The following NRIP1 variants were observed in gnomAD, a reference collection of about 807,000 sequenced individuals.
NRIP1 encodes nuclear receptor-interacting protein 1.
In NRIP1, 28 loss-of-function variants were observed where a neutral mutation model predicts 75.0. The ratio of observed to expected loss-of-function variants is 0.37; its 90% confidence interval spans 0.28 to 0.51. The LOEUF is 0.51. Ranked by LOEUF, NRIP1 falls within the 20% of genes least tolerant of loss-of-function variation. NRIP1 has a pLI of 0.92. For synonymous variants in NRIP1, 526 were observed against 487.6 expected, an observed-to-expected ratio of 1.08 and a Z score of -1.04; for missense variants, 1,435 against 1,343.7, an observed-to-expected ratio of 1.07 and a Z score of -1.06.
At position 14,967,343 on chromosome 21, in the gene NRIP1, C is replaced by G; in HGVS notation, c.850G>C (p.Ala284Pro). The G allele has an allele frequency of 6.2e-7, 1 of 1,614,078 alleles. No individual in the cohort carries two copies. The highest frequency in any genetic ancestry group is 8.5e-7 in the Non-Finnish European group (1 of 1,179,996). ...AHLQQYSREH[A>P]LKTQNANQAA... The stretch of plus-strand genomic sequence containing the variant: ...TGATTTGCATTTTGCGTTTTTAAAG[C>G]GTGTTCTCGAGAATACTGCTGCAAA... Residue 284 changes from alanine to proline, a missense_variant, in exon 4 of 4, where the codon GCT becomes CCT. Transcript: ENST00000318948.
intron 2 of NRIP1, among the ~76,000 whole-genome samples, chr21:15,035,259 TGAAGA>T (rs927428493): frequency 5.3e-5 from 8 of 152,316 alleles, no homozygotes; most frequent in Admixed American, 1.3e-4. Context: ...CTGCTTTTTC[TGAAGA>T]GAAAACAGGA....
chr21:14,979,089 C>A (rs2087159640), intron 3 of NRIP1, among the ~76,000 whole-genome samples: 1 of 152,104 alleles, frequency 6.6e-6, no homozygotes, highest in African/African-American at 2.4e-5. Context: ...ATCAAAGAAA[C>A]AATAGTTTTT....
At chr21:15,010,965 T>G (rs1237510100) in intron 3 of NRIP1, among the ~76,000 whole-genome samples, 2 of 152,234 alleles carry the variant, frequency 1.3e-5, no homozygotes, top group Non-Finnish European at 2.9e-5. Context: ...TTACGGCAAT[T>G]AATTCCAACT....
intron 3 of NRIP1, among the ~76,000 whole-genome samples, chr21:15,009,446 AG>A (rs1372192431): frequency 6.6e-6 from 1 of 152,218 alleles, no homozygotes; most frequent in African/African-American, 2.4e-5. Context: ...GCTACTAAAA[AG>A]ATGGCATGGA....
At chr21:14,978,723 G>T (rs977293938) in intron 3 of NRIP1, among the ~76,000 whole-genome samples, 1 of 152,134 alleles carries the variant, frequency 6.6e-6, no homozygotes, top group Non-Finnish European at 1.5e-5. Context: ...CTAGGTATAT[G>T]AATCGGATTC....
intron 1 of NRIP1, among the ~76,000 whole-genome samples, chr21:15,057,665 C>T (rs2089336196): frequency 6.6e-6 from 1 of 152,168 alleles, no homozygotes; most frequent in African/African-American, 2.4e-5. Context: ...CAGATGGCAA[C>T]TGGTTTTTTC....
chr21:14,978,245 G>A (rs1375042697), intron 3 of NRIP1, among the ~76,000 whole-genome samples: 2 of 152,170 alleles, frequency 1.3e-5, no homozygotes, highest in Admixed American at 6.5e-5. Flanking sequence ...TTATTCCTAT[G>A]ATTCCAAGTA....
rs539278321 is a variant in NRIP1 at position 15,019,470 on chromosome 21, CTTTTTTTTTTTTT to C, written c.-457-5017_-457-5005del. Reference sequence around the variant, plus strand: ...ACAAGATCCACAAACAACTGCATTTCTTTTTTTTTTTTTTTTTTTTTTTTTTTTTTTTTTTTGA... The same window carrying C: ...ACAAGATCCACAAACAACTGCATTTCTTTTTTTTTTTTTTTTTTTTTTTGA... On this transcript the variant is annotated intron_variant, in intron 2 of 3. Coordinates refer to ENST00000318948, the MANE Select transcript of NRIP1 (RefSeq NM_003489.4). Among the ~76,000 whole-genome samples the C allele has an allele frequency of 1.1e-3, 42 of 38,686 alleles. No homozygotes were observed. In the East Asian group the frequency reaches 0.013, roughly 12 times the overall value. The allele number at this position is 38,686 out of a possible 152,430, so 25.4% of individuals were successfully genotyped here. A position where few individuals can be genotyped will look rare whatever the true frequency, so the allele number is the denominator to read the frequency against.
At chr21:15,000,640 CTG>C (rs1191372798) in intron 3 of NRIP1, among the ~76,000 whole-genome samples, 1 of 152,030 alleles carries the variant, frequency 6.6e-6, no homozygotes, top group East Asian at 1.9e-4. Flanking sequence ...AAATCAAAAA[CTG>C]TAAGTAAAAA....
In NRIP1 at chr21:14,964,777, G is replaced by A. The variant is rs199513515; in HGVS notation, c.3416C>T (p.Ala1139Val). 54 of 1,597,040 alleles carry A rather than the reference G, an allele frequency of 3.4e-5. No individual in the cohort carries two copies. Among genetic ancestry groups the A allele is most frequent in the Non-Finnish European group, 4.4e-5 (52 of 1,175,098 alleles). Residue 1139 changes from alanine to valine, a missense_variant, in exon 4 of 4, where the codon GCA becomes GTA. Physicochemically the swap from Ala to Val is moderately conservative, Grantham distance 64 (BLOSUM62 0). Transcript: ENST00000318948. ...MGNNASRPHS[A>V]NGEVYGLLGS... The stretch of plus-strand genomic sequence containing the variant: ...CAGAAGTCCATAAACTTCTCCATTT[G>A]CGCTGTGTGGGCGAGAAGCATTATT...
intron 2 of NRIP1, among the ~76,000 whole-genome samples, chr21:15,035,920 CAAT>C (rs1224595659): frequency 6.6e-6 from 1 of 152,102 alleles, no homozygotes; most frequent in African/African-American, 2.4e-5. Context: ...TTAAATAATA[CAAT>C]AATGTTAACG....
chr21:15,031,306 ATTCCC>A (rs2088683052), intron 2 of NRIP1, among the ~76,000 whole-genome samples: 1 of 146,058 alleles, frequency 6.8e-6, no homozygotes, highest in African/African-American at 2.5e-5. Flanking sequence ...GGTTCACCAC[ATTCCC>A]TTTCTATGTG....
chr21:15,045,804 G>A (rs188628251), intron 1 of NRIP1, among the ~76,000 whole-genome samples: 19 of 152,200 alleles, frequency 1.2e-4, no homozygotes, highest in Admixed American at 8.5e-4. Flanking sequence ...TAAATCCTTC[G>A]TTGTTATTTC....
intron 1 of NRIP1, among the ~76,000 whole-genome samples, chr21:15,046,489 C>A (rs776078977): frequency 5.3e-5 from 8 of 152,136 alleles, no homozygotes; most frequent in Non-Finnish European, 8.8e-5. Context: ...GCTTCTTCTT[C>A]CATTTATACA....
At chr21:15,011,844 T>C (rs1176193901) in intron 3 of NRIP1, among the ~76,000 whole-genome samples, 1 of 151,898 alleles carries the variant, frequency 6.6e-6, no homozygotes, top group Non-Finnish European at 1.5e-5. Flanking sequence ...TAAAAAAGGG[T>C]GAATTAATTT....
chr21:15,015,393 A>G (rs943975039), intron 2 of NRIP1, among the ~76,000 whole-genome samples: 1 of 152,194 alleles, frequency 6.6e-6, no homozygotes, highest in Non-Finnish European at 1.5e-5. Context: ...TTCATCAATT[A>G]TACCTCGATA....
chr21:14,984,188 G>C (rs1326282436), intron 3 of NRIP1, among the ~76,000 whole-genome samples: 1 of 152,096 alleles, frequency 6.6e-6, no homozygotes, highest in African/African-American at 2.4e-5. Flanking sequence ...GATTCATGAG[G>C]GGAGGTCAAA....
chr21:14,995,494 G>C (rs1434272156), intron 3 of NRIP1, among the ~76,000 whole-genome samples: 1 of 152,190 alleles, frequency 6.6e-6, no homozygotes, highest in Non-Finnish European at 1.5e-5. Context: ...ATGTAGGTTT[G>C]TCAAAACGCT....
At chr21:14,977,567 A>G (rs2087107307) in intron 3 of NRIP1, among the ~76,000 whole-genome samples, 1 of 131,156 alleles carries the variant, frequency 7.6e-6, no homozygotes, top group Non-Finnish European at 1.7e-5. Context: ...TGAATCCTCT[A>G]TTATCAATTA....
Sources: gnomAD v4.1 joint callset for allele counts (sites outside exome capture counted in the v4.1 genomes callset) on GRCh38, gnomAD v4.1.1 for gene constraint, MANE v1.5 for transcripts, NCBI Gene and HGNC (gene_info 2026-07-23, HGNC 2026-07-21) for gene names.